PPP1R14B: variants seen among roughly 807,000 people sequenced by gnomAD.
PPP1R14B encodes protein phosphatase 1 regulatory inhibitor subunit 14B.
Under a neutral mutation model 14.7 loss-of-function variants are expected in PPP1R14B, and 4 were observed. That is an observed-to-expected ratio of 0.27 (90% CI 0.13 to 0.62). The LOEUF (loss-of-function observed/expected upper bound fraction) is 0.62, where lower values mean the gene tolerates loss of function less well. PPP1R14B is among the 20% of genes least tolerant of loss of function. The pLI, the probability that PPP1R14B is intolerant of heterozygous loss-of-function variation, is 0.85. For missense variants in PPP1R14B, 138 were observed against 201.5 expected, an observed-to-expected ratio of 0.68 and a Z score of 1.91; for synonymous variants, 76 against 87.3, an observed-to-expected ratio of 0.87 and a Z score of 0.72.
intron 2 of PPP1R14B, 57 bp downstream of exon 2, chr11:64,245,147 A>T: frequency 6.3e-7 from 1 of 1,577,604 alleles, no homozygotes; most frequent in Non-Finnish European, 8.7e-7. Flanking sequence ...CTGGCTCCAC[A>T]GCCTCACTTT....
rs750804647 is a variant in PPP1R14B at position 64,244,921 on chromosome 11, A to G, written c.375+9T>C. 1.2e-6 allele frequency: 2 copies of G among 1,611,944 alleles called. No individual in the cohort carries two copies. Among genetic ancestry groups the G allele is most frequent in the East Asian group, 4.5e-5 (2 of 44,800 alleles). On this transcript the variant is annotated intron_variant, in intron 3 of 3. Coordinates refer to ENST00000309318, the MANE Select transcript of PPP1R14B (RefSeq NM_138689.3). ...GCCACCCCCGCCAGCCCCCCAGGAA[A>G]TCTCTTACCTCTGTGGGTTTGTAAC...
Position 64,245,303 on chromosome 11 carries a change from G to T in PPP1R14B, c.259-16C>A. The T allele has an allele frequency of 1.4e-6, 2 of 1,478,148 alleles. No individual in the cohort carries two copies. Among genetic ancestry groups the T allele is most frequent in the South Asian group, 1.1e-5 (1 of 87,928 alleles). The allele number at this position is 1,478,148 out of a possible 1,614,324, so 91.6% of individuals were successfully genotyped here. On this transcript the variant is annotated splice_polypyrimidine_tract_variant and intron_variant, in intron 1 of 3. Transcript: ENST00000309318. Reference sequence around the variant, plus strand: ...TCTCCTCTTCCTGGGGTGGGGGTGGGGGAGGAGGGAGAGACATAAGCCTGA... The same window carrying T: ...TCTCCTCTTCCTGGGGTGGGGGTGGTGGAGGAGGGAGAGACATAAGCCTGA...
chr11:64,246,567 G>A lies in PPP1R14B; in HGVS notation c.107C>T (p.Ala36Val), dbSNP rs749702451. 16 of 1,604,650 alleles carry A rather than the reference G, an allele frequency of 1.0e-5. No individual in the cohort carries two copies. Among genetic ancestry groups the A allele is most frequent in the South Asian group, 8.9e-5 (8 of 90,096 alleles). Residue 36 changes from alanine to valine, a missense_variant, in exon 1 of 4, where the codon GCC becomes GTC. Around this residue, in one of 3 missense-constraint regions of PPP1R14B, gnomAD observed 32 missense variants for 18.1 expected, o/e 1.77. Transcript: ENST00000309318. Reference protein sequence around the residue: ...PRVYFQSPPGAAGEGPGGADD... With the variant: ...PRVYFQSPPGVAGEGPGGADD... ...CGCCCCGCCCGGGCCCTCTCCTGCG[G>A]CCCCGGGGGGGCTCTGAAAGTAGAC...
intron 1 of PPP1R14B, chr11:64,246,056 TG>T: frequency 4.0e-6 from 1 of 252,410 alleles, no homozygotes; most frequent in East Asian, 9.9e-5. Context: ...ACCAGCACCT[TG>T]TAACCACAGT....
At position 64,245,207 on chromosome 11, in the gene PPP1R14B, G is replaced by C. The variant is rs2030827528; in HGVS notation, c.339C>G (p.Val113=). The C allele has an allele frequency of 1.2e-6, 2 of 1,613,228 alleles. No homozygotes were observed. Among genetic ancestry groups the C allele is most frequent in the Admixed American group, 1.7e-5 (1 of 59,968 alleles). ...MESDDARAAR[V]KELLVDCYKP... ...CATCGCCCCCCAGCCCCCTCACCTT[G>C]ACCCTGGCAGCCCGGGCATCGTCAC... is the stretch of plus-strand genomic sequence containing the variant. Residue 113 remains valine, a synonymous_variant, in exon 2 of 4, where the codon GTC becomes GTG. Coordinates refer to ENST00000309318, the MANE Select transcript of PPP1R14B (RefSeq NM_138689.3).
At position 64,244,622 on chromosome 11, in the gene PPP1R14B, G is replaced by A. The variant is rs1314504091; in HGVS notation, c.*132C>T. Reference sequence around the variant, plus strand: ...TGAGGGGGCAGGGGAAGAGACCCCTGGGCCAGGGGCACGAGGAGCCCTGCT... The same window carrying A: ...TGAGGGGGCAGGGGAAGAGACCCCTAGGCCAGGGGCACGAGGAGCCCTGCT... On this transcript the variant is annotated 3_prime_UTR_variant, in exon 4 of 4. Coordinates refer to ENST00000309318, the MANE Select transcript of PPP1R14B (RefSeq NM_138689.3). 2 of 1,463,460 alleles carry A rather than the reference G, an allele frequency of 1.4e-6. No homozygotes were observed. Among genetic ancestry groups the A allele is most frequent in the East Asian group, 4.7e-5 (2 of 42,174 alleles). The allele number at this position is 1,463,460 out of a possible 1,614,324, so 90.7% of individuals were successfully genotyped here. A position where few individuals can be genotyped will look rare whatever the true frequency, so the allele number is the denominator to read the frequency against.
At chr11:64,245,645 T>G in intron 1 of PPP1R14B, 4 of 221,518 alleles carry the variant, frequency 1.8e-5, no homozygotes, top group East Asian at 1.1e-4. Flanking sequence ...CAGCTTATCA[T>G]ACCCCCCTCC....
intron 1 of PPP1R14B, 110 bp from the exon 2 acceptor site, chr11:64,245,397 T>C (rs962085779): frequency 1.2e-6 from 1 of 838,372 alleles, no homozygotes; most frequent in African/African-American, 1.7e-5. Context: ...CCCAGCCCTC[T>C]GCCCAGCAGA....
At chr11:64,245,074 A>G in intron 2 of PPP1R14B, 112 bp from the exon 3 acceptor site, 1 of 1,454,648 alleles carries the variant, frequency 6.9e-7, no homozygotes, top group Non-Finnish European at 9.4e-7. Flanking sequence ...AGGAGATGCC[A>G]CAACAACCTC....
chr11:64,245,131 G>C, intron 2 of PPP1R14B, 73 bp downstream of exon 2: 1 of 1,541,748 alleles, frequency 6.5e-7, no homozygotes, highest in East Asian at 2.3e-5. Flanking sequence ...GCTGGGGCTT[G>C]AGGGCCTGGC....
rs1038682593 is a variant in PPP1R14B at position 64,246,893 on chromosome 11, C to A, written c.-220G>T. ...CCCCGCCGATCCGCCCGCCCTTTGT[C>A]CCCCGCGGCCGCCGCCCGAGCTGCA... On this transcript the variant is annotated 5_prime_UTR_variant, in exon 1 of 4. Transcript: ENST00000309318. The A allele has an allele frequency of 6.0e-6, 1 of 165,798 alleles. No individual in the cohort carries two copies. Among genetic ancestry groups the A allele is most frequent in the Non-Finnish European group, 1.0e-5 (1 of 98,484 alleles). 10.3% of individuals were successfully genotyped at this position (165,798 alleles called of 1,614,324 possible). A position where few individuals can be genotyped will look rare whatever the true frequency, so the allele number is the denominator to read the frequency against.
intron 2 of PPP1R14B, 59 bp downstream of exon 2, chr11:64,245,145 A>G: frequency 6.3e-7 from 1 of 1,575,442 alleles, no homozygotes; most frequent in South Asian, 1.1e-5. Flanking sequence ...GCCTGGCTCC[A>G]CAGCCTCACT....
At position 64,246,207 on chromosome 11, in the gene PPP1R14B, G is replaced by T. The variant is rs1591091142; in HGVS notation, c.258+209C>A. On this transcript the variant is annotated intron_variant, in intron 1 of 3. Coordinates refer to ENST00000309318, the MANE Select transcript of PPP1R14B (RefSeq NM_138689.3). Reference sequence around the variant, plus strand: ...CTTGACCTGGGGAGTGGCATGATGGGGGGCAGGGTCCGAGGCAACGGAGAA... The same window carrying T: ...CTTGACCTGGGGAGTGGCATGATGGTGGGCAGGGTCCGAGGCAACGGAGAA... 4 of 634,580 alleles carry T rather than the reference G, an allele frequency of 6.3e-6. No individual in the cohort carries two copies. The South Asian group carries it at 8.3e-5, about 13-fold the overall frequency. 39.3% of individuals were successfully genotyped at this position (634,580 alleles called of 1,614,324 possible). A position where few individuals can be genotyped will look rare whatever the true frequency, so the allele number is the denominator to read the frequency against.
At chr11:64,246,153 A>C in intron 1 of PPP1R14B, 1 of 491,522 alleles carries the variant, frequency 2.0e-6, no homozygotes, top group Non-Finnish European at 3.6e-6. Context: ...GGCTCAGGCT[A>C]CCCCTTGAGG....
chr11:64,245,752 AAG>A (rs1295604780), intron 1 of PPP1R14B: 1 of 162,240 alleles, frequency 6.2e-6, no homozygotes, highest in African/African-American at 2.4e-5. Flanking sequence ...AGAGGAAACA[AAG>A]AGCCCATGCT....
intron 1 of PPP1R14B, chr11:64,246,193 G>A: frequency 1.7e-6 from 1 of 599,458 alleles, no homozygotes. Context: ...TTGACCTGGG[G>A]AGTGGCATGA....
At position 64,246,924 on chromosome 11, in the gene PPP1R14B, C is replaced by T. The variant is rs891556438; in HGVS notation, c.-251G>A. The stretch of plus-strand genomic sequence containing the variant: ...CGGCCGCCGCCCGAGCTGCAGCCGC[C>T]GAAGCGCTTTCTCTGTCTCGCTCTT... On this transcript the variant is annotated 5_prime_UTR_variant, in exon 1 of 4. Transcript: ENST00000309318. 6.4e-6 allele frequency: 1 copy of T among 157,214 alleles called. No individual in the cohort carries two copies. The highest frequency in any genetic ancestry group is 2.4e-5 in the African/African-American group (1 of 41,200). The allele number at this position is 157,214 out of a possible 1,614,324, so 9.7% of individuals were successfully genotyped here.
intron 1 of PPP1R14B, 36 bp downstream of exon 1, chr11:64,246,380 C>T (rs1360496548): frequency 6.3e-7 from 1 of 1,585,482 alleles, no homozygotes; most frequent in Non-Finnish European, 8.6e-7. Context: ...CGGCGCGAGA[C>T]CGATTTTGGG....
At chr11:64,245,373 C>T (rs1193699368) in intron 1 of PPP1R14B, 86 bp from the exon 2 acceptor site, 2 of 1,178,252 alleles carry the variant, frequency 1.7e-6, no homozygotes, top group African/African-American at 3.0e-5. Context: ...AGGCCCCTGC[C>T]TACCTCGGAG....
Sources: gnomAD v4.1 joint callset for allele counts on GRCh38, gnomAD v4.1.1 for gene constraint, gnomAD v4.1.1 regional missense constraint, MANE v1.5 for transcripts, NCBI Gene and HGNC (gene_info 2026-07-23, HGNC 2026-07-21) for gene names.